ZNF607: variants seen among roughly 807,000 people sequenced by gnomAD.
The protein encoded by ZNF607 is zinc finger protein 607.
ZNF607 carries 5 observed loss-of-function variants against 12.8 expected under a neutral mutation model. The ratio of observed to expected loss-of-function variants is 0.39; its 90% CI spans 0.20 to 0.82. ZNF607 has a LOEUF of 0.82. Ranked by LOEUF, ZNF607 falls within the 40% of genes least tolerant of loss-of-function variation. ZNF607 has a pLI of 0.39. For synonymous variants in ZNF607, 287 were observed against 276.2 expected (o/e 1.04, Z -0.39); for missense variants, 851 against 859.2 (o/e 0.99, Z 0.12).
chr19:37,701,033 A>C, intron 4 of ZNF607, among the ~76,000 whole-genome samples: 1 of 152,196 alleles, frequency 6.6e-6, no homozygotes, highest in East Asian at 1.9e-4. Flanking sequence ...GTCATAGATG[A>C]AATACAAAAA....
Position 37,696,878 on chromosome 19 carries a change from G to T in ZNF607, c.*1162C>A. 1 of 709,896 alleles carries T rather than the reference G, an allele frequency of 1.4e-6. No homozygotes were observed. Among genetic ancestry groups the T allele is most frequent in the Non-Finnish European group, 2.5e-6 (1 of 396,974 alleles). 44.0% of individuals were successfully genotyped at this position (709,896 alleles called of 1,614,324 possible). A position where few individuals can be genotyped will look rare whatever the true frequency, so the allele number is the denominator to read the frequency against. On this transcript the variant is annotated 3_prime_UTR_variant, in exon 5 of 5. Coordinates refer to ENST00000355202, the MANE Select transcript of ZNF607 (RefSeq NM_032689.5). ...GCCACCTGTCTGTTAACTCCTTCAA[G>T]AAGGTCAGATGTGTCAAAGACACGT...
rs1031434605 is a variant in ZNF607 at position 37,714,049 on chromosome 19, A to G, written c.-74-2357T>C. 3.9e-5 allele frequency among the ~76,000 whole-genome samples: 6 copies of G among 152,172 alleles called. No homozygotes were observed. The East Asian group carries it at 5.8e-4, about 15-fold the overall frequency. Reference sequence around the variant, plus strand: ...AAAACGTATGCACCCAGTCGGGCGCAGTGGCTCATGCCTGTAATCCCAGCA... The same window carrying G: ...AAAACGTATGCACCCAGTCGGGCGCGGTGGCTCATGCCTGTAATCCCAGCA... On this transcript the variant is annotated intron_variant, in intron 1 of 4. Transcript: ENST00000355202.
At position 37,697,937 on chromosome 19, in the gene ZNF607, T is replaced by A; in HGVS notation, c.*103A>T. The A allele has an allele frequency of 8.5e-7, 1 of 1,181,032 alleles. No homozygotes were observed. Among genetic ancestry groups the A allele is most frequent in the East Asian group, 2.4e-5 (1 of 42,444 alleles). 73.2% of individuals were successfully genotyped at this position (1,181,032 alleles called of 1,614,324 possible). A position where few individuals can be genotyped will look rare whatever the true frequency, so the allele number is the denominator to read the frequency against. On this transcript the variant is annotated 3_prime_UTR_variant, in exon 5 of 5. Coordinates refer to ENST00000355202, the MANE Select transcript of ZNF607 (RefSeq NM_032689.5). ...GATGCCTAATAAAAACTGAACTGTATCTCAAAGCCATTCCACATTGTCTTC... is the reference window on the plus strand; with the variant it reads ...GATGCCTAATAAAAACTGAACTGTAACTCAAAGCCATTCCACATTGTCTTC...
chr19:37,706,766 C>T (rs2045088397), intron 4 of ZNF607, among the ~76,000 whole-genome samples: 1 of 152,192 alleles, frequency 6.6e-6, no homozygotes, highest in South Asian at 2.1e-4. Context: ...TCTCAGCTCA[C>T]TGCAACCTCT....
In ZNF607 at chr19:37,697,092, G is replaced by A; in HGVS notation, c.*948C>T. ...CTCTCCAATGCTGGTGAAGATGCGA[G>A]GAAGCTGGCTAGTGATGGGCCGGAA... On this transcript the variant is annotated 3_prime_UTR_variant, in exon 5 of 5. Transcript: ENST00000355202. 2 of 745,594 alleles carry A rather than the reference G, an allele frequency of 2.7e-6. No individual in the cohort carries two copies. Among genetic ancestry groups the A allele is most frequent in the Non-Finnish European group, 5.0e-6 (2 of 397,704 alleles). The allele number at this position is 745,594 out of a possible 1,614,324, so 46.2% of individuals were successfully genotyped here.
intron 4 of ZNF607, among the ~76,000 whole-genome samples, chr19:37,703,420 C>T (rs1395032556): frequency 6.6e-6 from 1 of 151,860 alleles, no homozygotes; most frequent in East Asian, 1.9e-4. Flanking sequence ...AATTAAAAGG[C>T]AAAGATTAAC....
intron 4 of ZNF607, among the ~76,000 whole-genome samples, chr19:37,703,009 A>G (rs1219282849): frequency 1.3e-5 from 2 of 151,436 alleles, no homozygotes; most frequent in Non-Finnish European, 2.9e-5. Flanking sequence ...TTGGAGTGCA[A>G]TGGTGTGATC....
chr19:37,702,303 A>C (rs2045046156), intron 4 of ZNF607, among the ~76,000 whole-genome samples: 1 of 151,164 alleles, frequency 6.6e-6, no homozygotes, highest in African/African-American at 2.4e-5. Flanking sequence ...AAAAAAAAAA[A>C]AAAAAAGAAA....
Position 37,696,680 on chromosome 19 carries a change from A to G in ZNF607, c.*1360T>C, listed in dbSNP as rs1219880912. 2.8e-6 allele frequency: 2 copies of G among 721,370 alleles called. No individual in the cohort carries two copies. Among genetic ancestry groups the G allele is most frequent in the African/African-American group, 1.8e-5 (1 of 57,062 alleles). The allele number at this position is 721,370 out of a possible 1,614,324, so 44.7% of individuals were successfully genotyped here. A position where few individuals can be genotyped will look rare whatever the true frequency, so the allele number is the denominator to read the frequency against. On this transcript the variant is annotated 3_prime_UTR_variant, in exon 5 of 5. Transcript: ENST00000355202. ...GGCAGGCAGGTGATGTTCCGAGAGCATGAGAGCTGGTATGCAATGTCTTCT... is the reference window on the plus strand; with the variant it reads ...GGCAGGCAGGTGATGTTCCGAGAGCGTGAGAGCTGGTATGCAATGTCTTCT...
intron 1 of ZNF607, among the ~76,000 whole-genome samples, chr19:37,713,373 T>C (rs866787874): frequency 1.4e-4 from 22 of 152,118 alleles, no homozygotes; most frequent in African/African-American, 4.8e-4. Context: ...TTTTCAGTGA[T>C]TGTCCCATTT....
chr19:37,714,191 G>A lies in ZNF607; in HGVS notation c.-74-2499C>T, dbSNP rs368918668. Among the ~76,000 whole-genome samples the A allele has an allele frequency of 9.5e-4, 144 of 151,962 alleles. 3 individuals are homozygous for A. The South Asian group carries it at 0.028, about 29-fold the overall frequency. On this transcript the variant is annotated intron_variant, in intron 1 of 4. Coordinates refer to ENST00000355202, the MANE Select transcript of ZNF607 (RefSeq NM_032689.5). ...AAAAAAATTAGCCAGGCGTGGTGGC[G>A]GGCGCCTGTAGTCCCAGCCACTTGG... is the stretch of plus-strand genomic sequence containing the variant.
Position 37,698,909 on chromosome 19 carries a change from G to A in ZNF607, c.1222C>T (p.Leu408Phe), listed in dbSNP as rs1289871063. 5 of 1,614,050 alleles carry A rather than the reference G, an allele frequency of 3.1e-6. No individual in the cohort carries two copies. The highest frequency in any genetic ancestry group is 4.2e-6 in the Non-Finnish European group (5 of 1,179,994). ...GTATGAATATTTTGATGTATTTTAAGGGATGAATTGAGCCTAAAGGACTTC... is the reference window on the plus strand; with the variant it reads ...GTATGAATATTTTGATGTATTTTAAAGGATGAATTGAGCCTAAAGGACTTC... ...CGKSFRLNSS[L>F]KIHQNIHTGE... Residue 408 changes from leucine (L) to phenylalanine (F), a missense_variant, in exon 5 of 5, where the codon CTT (leucine) becomes TTT (phenylalanine). Transcript: ENST00000355202.
rs773795843 is a variant in ZNF607 at position 37,707,995 on chromosome 19, T to C, written c.154A>G (p.Lys52Glu). 1.9e-6 allele frequency: 3 copies of C among 1,613,782 alleles called. No individual in the cohort carries two copies. Among genetic ancestry groups the C allele is most frequent in the Non-Finnish European group, 2.5e-6 (3 of 1,179,892 alleles). ...TCCAATAAGGTGATTAAATCTGGCTTAGATACGGAATGTCCTGCTTACAAA... is the reference window on the plus strand; with the variant it reads ...TCCAATAAGGTGATTAAATCTGGCTCAGATACGGAATGTCCTGCTTACAAA... ...LVSLAGHSVSKPDLITLLEQG... is the reference protein window; with the variant it reads ...LVSLAGHSVSEPDLITLLEQG... The change falls in exon 4 of 5, where the codon AAG becomes GAG. Residue 52 changes from lysine to glutamate, a missense_variant. Transcript: ENST00000355202.
rs766215767 is a variant in ZNF607 at position 37,698,308 on chromosome 19, T to C, written c.1823A>G (p.Glu608Gly). The C allele has an allele frequency of 1.2e-6, 2 of 1,613,966 alleles. No homozygotes were observed. The highest frequency in any genetic ancestry group is 1.3e-5 in the African/African-American group (1 of 74,886). Residue 608 changes from glutamate (E) to glycine (G), a missense_variant, in exon 5 of 5, where the codon GAG becomes GGG. Coordinates refer to ENST00000355202, the MANE Select transcript of ZNF607 (RefSeq NM_032689.5). ...GGGTTTATCACTGGTATGAATTCTC[T>C]CATGAATAATAAGATGTGAAGCATG... is the stretch of plus-strand genomic sequence containing the variant. ...FSHASHLIIH[E>G]RIHTSDKPYE... is the part of the protein sequence containing the mutation.
chr19:37,710,142 G>A (rs574593836), intron 2 of ZNF607, among the ~76,000 whole-genome samples: 12 of 147,198 alleles, frequency 8.2e-5, no homozygotes, highest in African/African-American at 2.5e-4. Context: ...GCAATAGAGC[G>A]AGACTCCGTC....
chr19:37,714,116 C>G (rs991467984), intron 1 of ZNF607, among the ~76,000 whole-genome samples: 2 of 151,802 alleles, frequency 1.3e-5, no homozygotes, highest in African/African-American at 4.8e-5. Context: ...GTCAGGAGAT[C>G]CAGACCATCC....
intron 1 of ZNF607, among the ~76,000 whole-genome samples, chr19:37,715,586 C>CA (rs1379768467): frequency 1.4e-5 from 2 of 146,764 alleles, no homozygotes; most frequent in Non-Finnish European, 3.0e-5. Flanking sequence ...GCCTGGGCCA[C>CA]AGAATGAAAC....
At chr19:37,714,364 G>A (rs567045002) in intron 1 of ZNF607, among the ~76,000 whole-genome samples, 57 of 149,252 alleles carry the variant, frequency 3.8e-4, no homozygotes, top group African/African-American at 1.3e-3. Context: ...AGCAGCAGCA[G>A]CAACAACAAA....
In ZNF607 at chr19:37,697,466, A is replaced by G. The variant is rs2044986258; in HGVS notation, c.*574T>C. 4 of 698,770 alleles carry G rather than the reference A, an allele frequency of 5.7e-6. No individual in the cohort carries two copies. In the South Asian group the frequency reaches 6.0e-5, roughly 10 times the overall value. The allele number at this position is 698,770 out of a possible 1,614,324, so 43.3% of individuals were successfully genotyped here. A position where few individuals can be genotyped will look rare whatever the true frequency, so the allele number is the denominator to read the frequency against. The stretch of plus-strand genomic sequence containing the variant: ...CTGACCTCCACATCTAACTCATGTA[A>G]TTCTAACAGCACTATACTGTAGGTA... On this transcript the variant is annotated 3_prime_UTR_variant, in exon 5 of 5. Transcript: ENST00000355202.
Sources: gnomAD v4.1 joint callset for allele counts (sites outside exome capture counted in the v4.1 genomes callset) on GRCh38, gnomAD v4.1.1 for gene constraint, MANE v1.5 for transcripts, NCBI Gene and HGNC (gene_info 2026-07-23, HGNC 2026-07-21) for gene names.